ACVR1B: variants seen among roughly 807,000 people sequenced by gnomAD.
ACVR1B encodes activin A receptor type 1B.
In ACVR1B, 15 loss-of-function variants were observed where a neutral mutation model predicts 55.6. The observed-to-expected ratio is 0.27, with a 90% CI of 0.18 to 0.42. ACVR1B has a LOEUF of 0.42. Among genes scored for constraint, ACVR1B ranks in the 10% least tolerant of loss-of-function variants. The pLI is 1.00. For synonymous variants in ACVR1B, 247 were observed against 254.6 expected (o/e 0.97, Z 0.28); for missense variants, 359 against 670.1 (o/e 0.54, Z 5.13).
At chr12:51,975,598 T>G in intron 2 of ACVR1B, 94 bp downstream of exon 2, 1 of 1,483,240 alleles carries the variant, frequency 6.7e-7, no homozygotes, top group Non-Finnish European at 9.1e-7. Context: ...TCACTTGGTT[T>G]GACGATAAAG....
intron 2 of ACVR1B, among the ~76,000 whole-genome samples, chr12:51,975,812 A>G (rs781124357): frequency 3.9e-5 from 6 of 152,230 alleles, no homozygotes; most frequent in Non-Finnish European, 5.9e-5. Flanking sequence ...GGACTGATCC[A>G]GAAAGAGATG....
At chr12:51,962,537 T>C (rs1413547217) in intron 1 of ACVR1B, among the ~76,000 whole-genome samples, 2 of 152,230 alleles carry the variant, frequency 1.3e-5, no homozygotes, top group Non-Finnish European at 2.9e-5. Context: ...CCAAATAGCA[T>C]GTGATTGCTT....
intron 1 of ACVR1B, chr12:51,953,608 A>G: frequency 1.3e-6 from 1 of 793,040 alleles, no homozygotes; most frequent in Non-Finnish European, 1.5e-6. Context: ...AAAAAAAAAA[A>G]AGGGAGATTG....
chr12:51,985,639 A>C (rs1475501218), intron 6 of ACVR1B, among the ~76,000 whole-genome samples: 1 of 152,224 alleles, frequency 6.6e-6, no homozygotes, highest in African/African-American at 2.4e-5. Context: ...ATTTAGAAGG[A>C]TAGCAGGCAA....
chr12:51,961,448 A>G lies in ACVR1B; in HGVS notation c.91+9614A>G, dbSNP rs372811606. The stretch of plus-strand genomic sequence containing the variant: ...CCGCAAACATTTGTGAGTTACTTGG[A>G]ACATCATAATCTCTCTTTCTACCTC... On this transcript the variant is annotated intron_variant, in intron 1 of 8. Transcript: ENST00000257963. Among the ~76,000 whole-genome samples, 75 of 152,300 alleles carry G rather than the reference A, an allele frequency of 4.9e-4. 1 individual carries two copies. In the South Asian group the frequency reaches 0.016, roughly 32 times the overall value.
At position 51,976,111 on chromosome 12, in the gene ACVR1B, G is replaced by A. The variant is rs142426006; in HGVS notation, c.332-216G>A. ...CGTGAGGTGACAAAGTGGGTTGTGG[G>A]TTTGACTGTGGAAAGAGGTGCCTTA... On this transcript the variant is annotated intron_variant, in intron 2 of 8. Transcript: ENST00000257963. Among the ~76,000 whole-genome samples the A allele has an allele frequency of 8.6e-4, 131 of 152,248 alleles. 2 individuals carry two copies. In the Middle Eastern group the frequency reaches 0.017, roughly 20 times the overall value.
intron 3 of ACVR1B, among the ~76,000 whole-genome samples, chr12:51,977,257 A>G (rs1017246937): frequency 6.6e-6 from 1 of 152,206 alleles, no homozygotes; most frequent in Non-Finnish European, 1.5e-5. Flanking sequence ...TAGCTATTAA[A>G]TGTGAACATG....
intron 7 of ACVR1B, among the ~76,000 whole-genome samples, chr12:51,989,794 G>A (rs1406978465): frequency 1.3e-5 from 2 of 152,006 alleles, no homozygotes; most frequent in African/African-American, 2.4e-5. Context: ...AACCAGTCTG[G>A]CCAACATAGT....
intron 1 of ACVR1B, among the ~76,000 whole-genome samples, chr12:51,952,388 C>T (rs1449148583): frequency 3.3e-5 from 5 of 152,140 alleles, no homozygotes; most frequent in South Asian, 2.1e-4. Context: ...TGTTTCTTCC[C>T]CTCCCTCCAC....
At chr12:51,953,939 C>G (rs866650127) in intron 1 of ACVR1B, among the ~76,000 whole-genome samples, 1 of 152,286 alleles carries the variant, frequency 6.6e-6, no homozygotes, top group East Asian at 1.9e-4. Context: ...AGCAAACATT[C>G]TCCAGGGCCT....
chr12:51,953,169 C>T (rs1423402162), intron 1 of ACVR1B, among the ~76,000 whole-genome samples: 1 of 152,050 alleles, frequency 6.6e-6, no homozygotes, highest in Non-Finnish European at 1.5e-5. Context: ...CCCTAACCTT[C>T]CAGCAATGGG....
chr12:51,992,433 C>T, intron 8 of ACVR1B: 1 of 198,486 alleles, frequency 5.0e-6, no homozygotes, highest in South Asian at 1.1e-4. Context: ...CCTAGGAGGT[C>T]AAGGCTGCAG....
intron 1 of ACVR1B, among the ~76,000 whole-genome samples, chr12:51,961,338 T>A (rs1228528246): frequency 6.6e-6 from 1 of 152,226 alleles, no homozygotes; most frequent in Non-Finnish European, 1.5e-5. Context: ...CTCAGTAAAA[T>A]CCTAGGTAAA....
intron 1 of ACVR1B, among the ~76,000 whole-genome samples, chr12:51,972,034 G>GCTTTTTGTT (rs2120563332): frequency 6.6e-6 from 1 of 152,236 alleles, no homozygotes; most frequent in South Asian, 2.1e-4. Context: ...TTGGGTGGTG[G>GCTTTTTGTT]CTTTTTGTTT....
chr12:51,960,334 A>G (rs1941494769), intron 1 of ACVR1B: 1 of 152,182 alleles, frequency 6.6e-6, no homozygotes, highest in South Asian at 2.1e-4. Context: ...AGGTGGGAGG[A>G]TAGCTTGAGA....
At chr12:51,979,466 C>CAAA (rs11421560) in intron 3 of ACVR1B, among the ~76,000 whole-genome samples, 43 of 117,678 alleles carry the variant, frequency 3.7e-4, no homozygotes, top group Non-Finnish European at 4.4e-4. Context: ...GACACCATCT[C>CAAA]AAAAAAAAAA....
intron 4 of ACVR1B, among the ~76,000 whole-genome samples, chr12:51,981,700 C>G (rs1941982525): frequency 6.6e-6 from 1 of 152,160 alleles, no homozygotes; most frequent in Non-Finnish European, 1.5e-5. Flanking sequence ...GCCACGGTGA[C>G]ACCTACCTGT....
At chr12:51,961,886 A>G (rs369684758) in intron 1 of ACVR1B, among the ~76,000 whole-genome samples, 10 of 152,094 alleles carry the variant, frequency 6.6e-5, no homozygotes, top group African/African-American at 2.2e-4. Flanking sequence ...CATTGGACAC[A>G]CTCCCTCATA....
At chr12:51,968,829 C>T (rs932507807) in intron 1 of ACVR1B, among the ~76,000 whole-genome samples, 3 of 152,190 alleles carry the variant, frequency 2.0e-5, no homozygotes, top group Non-Finnish European at 2.9e-5. Context: ...TTAGCACCAA[C>T]GTGCTCAAAG....
Sources: allele counts gnomAD v4.1 joint callset (sites outside exome capture counted in the v4.1 genomes callset), GRCh38; gene constraint gnomAD v4.1.1; transcripts MANE v1.5; gene names NCBI Gene and HGNC (gene_info 2026-07-23, HGNC 2026-07-21).